The following STAU1 variants were observed in gnomAD, a reference collection of about 807,000 sequenced individuals.
The protein encoded by STAU1 is double-stranded RNA-binding protein Staufen homolog 1.
Under a neutral mutation model 62.9 loss-of-function variants are expected in STAU1, and 13 were observed. The ratio of observed to expected loss-of-function variants is 0.21; its 90% confidence interval spans 0.13 to 0.33. The LOEUF is 0.33. Among genes scored for constraint, STAU1 ranks in the 10% least tolerant of loss-of-function variants. The probability of loss-of-function intolerance (pLI) is 1.00; values close to 1 mark genes in which losing one functional copy is unlikely to be tolerated. For missense variants in STAU1, 571 were observed against 712.1 expected (o/e 0.80, Z 2.25); for synonymous variants, 269 against 265.1 (o/e 1.01, Z -0.14).
intron 1 of STAU1, among the ~76,000 whole-genome samples, chr20:49,180,435 T>C (rs2093711087): frequency 1.3e-5 from 2 of 152,016 alleles, no homozygotes; most frequent in African/African-American, 4.8e-5. Flanking sequence ...GCCATTCTCC[T>C]GCCTCAGCCC....
At chr20:49,142,976 T>C (rs1202800490) in intron 5 of STAU1, among the ~76,000 whole-genome samples, 2 of 152,022 alleles carry the variant, frequency 1.3e-5, no homozygotes, top group Non-Finnish European at 2.9e-5. Context: ...TTTTCAAATA[T>C]TTTTGGTAGA....
intron 9 of STAU1, among the ~76,000 whole-genome samples, 171 bp downstream of exon 9, chr20:49,119,811 C>T (rs949318299): frequency 7.2e-5 from 11 of 152,166 alleles, no homozygotes; most frequent in African/African-American, 1.9e-4. Context: ...AGTGGACATG[C>T]GAGGCCCCTC....
the STAU1 span, among the ~76,000 whole-genome samples, chr20:49,203,756 G>A: frequency 0.28 from 42,643 of 152,078 alleles, 6,606 homozygotes; most frequent in East Asian, 0.53. Flanking sequence ...GCACAATCTC[G>A]GCTTACTGCA....
chr20:49,125,080 A>AAAAC (rs1253832037), intron 6 of STAU1, among the ~76,000 whole-genome samples: 7 of 150,568 alleles, frequency 4.6e-5, no homozygotes, highest in Middle Eastern at 3.5e-3. Context: ...GTAAAAAAAA[A>AAAAC]AAAAAAAAAA....
chr20:49,131,842 C>CA lies in STAU1; in HGVS notation c.609+3990dup, dbSNP rs56345924. On this transcript the variant is annotated intron_variant, in intron 6 of 13. Coordinates refer to ENST00000371856, the MANE Select transcript of STAU1 (RefSeq NM_017453.4). ...TGGGCAACAGAGTTAGGCTCCGTCA[C>CA]AAAAAAAAAAAAAACAAAAGGAAGG... 3.4e-3 allele frequency among the ~76,000 whole-genome samples: 417 copies of CA among 121,180 alleles called. 1 individual carries two copies. Among genetic ancestry groups the CA allele is most frequent in the South Asian group, 0.012 (49 of 3,996 alleles). 79.5% of individuals were successfully genotyped at this position (121,180 alleles called of 152,430 possible). A position where few individuals can be genotyped will look rare whatever the true frequency, so the allele number is the denominator to read the frequency against.
At chr20:49,114,972 T>A in intron 13 of STAU1, 79 bp from the exon 14 acceptor site, 1 of 1,472,764 alleles carries the variant, frequency 6.8e-7, no homozygotes, top group Non-Finnish European at 9.4e-7. Flanking sequence ...GAAAAGAAAT[T>A]GGCAAACATC....
chr20:49,166,913 C>T (rs1457246593), intron 2 of STAU1, among the ~76,000 whole-genome samples: 1 of 152,016 alleles, frequency 6.6e-6, no homozygotes. Flanking sequence ...CTATCACAAC[C>T]CTACCCAGGC....
chr20:49,173,046 G>A (rs939947673), intron 2 of STAU1, among the ~76,000 whole-genome samples: 5 of 151,414 alleles, frequency 3.3e-5, no homozygotes, highest in Admixed American at 2.6e-4. Context: ...GGGTTTCACC[G>A]TGTTAGCCAG....
Position 49,118,338 on chromosome 20 carries a change from C to T in STAU1, c.1184G>A (p.Gly395Glu). The T allele has an allele frequency of 6.2e-7, 1 of 1,613,460 alleles. No individual in the cohort carries two copies. Among genetic ancestry groups the T allele is most frequent in the Non-Finnish European group, 8.5e-7 (1 of 1,179,538 alleles). ...GATATTAAGATCACACTTACTAGTC[C>T]CATTTTCATCCCCAGAGCCAGGTTC... The part of the protein sequence containing the change: ...FFEPGSGDEN[G>E]TSNKEDEFRM... The change falls in exon 10 of 14, where the codon GGG (glycine) becomes GAG (glutamate). Residue 395 changes from glycine (G) to glutamate (E), a missense_variant. By Grantham distance (98) the Gly-to-Glu change is moderately conservative. This residue lies in a region of STAU1 where 414 missense variants were observed against 499.6 expected (regional missense o/e 0.83). Transcript: ENST00000371856.
At chr20:49,165,776 A>G (rs1490784850) in intron 3 of STAU1, among the ~76,000 whole-genome samples, 1 of 152,094 alleles carries the variant, frequency 6.6e-6, no homozygotes, top group Admixed American at 6.6e-5. Context: ...TTCAGCTTTC[A>G]ATTCTCTTTC....
intron 2 of STAU1, among the ~76,000 whole-genome samples, chr20:49,170,009 T>C (rs2093576806): frequency 1.3e-5 from 2 of 152,210 alleles, no homozygotes; most frequent in Non-Finnish European, 2.9e-5. Context: ...GCAGTTACCG[T>C]TTTACAAGTG....
At position 49,120,060 on chromosome 20, in the gene STAU1, G is replaced by C; in HGVS notation, c.1035C>G (p.Ala345=). The part of the protein sequence containing the change: ...TNKKVAKRNA[A]ENMLEILGFK... ...AACCAAGGATCTCCAGCATGTTCTC[G>C]GCTGCATTGCGCTTGGCCACCTTCT... is the stretch of plus-strand genomic sequence containing the variant. The change falls in exon 9 of 14, where the codon GCC becomes GCG. Residue 345 remains alanine, a synonymous_variant. Transcript: ENST00000371856. 1 of 1,614,158 alleles carries C rather than the reference G, an allele frequency of 6.2e-7. No individual in the cohort carries two copies. The highest frequency in any genetic ancestry group is 8.5e-7 in the Non-Finnish European group (1 of 1,180,030).
chr20:49,195,505 CA>C, the STAU1 span, among the ~76,000 whole-genome samples: 1 of 127,480 alleles, frequency 7.8e-6, no homozygotes, highest in Non-Finnish European at 1.6e-5. Flanking sequence ...CACTGCACTC[CA>C]GCCTGGGCGA....
At position 49,158,441 on chromosome 20, in the gene STAU1, A is replaced by G. The variant is rs769299908; in HGVS notation, c.206-4370T>C. ...TTAAGGGGTGAGGCAACTTGCCTTC[A>G]TAGCTGATTTTTCTTGTAGGTCTTA... On this transcript the variant is annotated intron_variant, in intron 3 of 13. Transcript: ENST00000371856. 69 of 1,304,686 alleles carry G rather than the reference A, an allele frequency of 5.3e-5. No homozygotes were observed. The South Asian group carries it at 8.3e-4, about 16-fold the overall frequency. 80.8% of individuals were successfully genotyped at this position (1,304,686 alleles called of 1,614,324 possible).
At chr20:49,136,508 G>A (rs963515164) in intron 5 of STAU1, among the ~76,000 whole-genome samples, 5 of 152,202 alleles carry the variant, frequency 3.3e-5, no homozygotes, top group African/African-American at 7.2e-5. Context: ...TTGGATATGT[G>A]TCAGCCTGAC....
At chr20:49,205,372 T>G in the STAU1 span, among the ~76,000 whole-genome samples, 1 of 150,296 alleles carries the variant, frequency 6.7e-6, no homozygotes, top group Admixed American at 6.6e-5. Context: ...AGTTTTTTTT[T>G]TTTTTTTTTT....
At chr20:49,115,691 T>A in intron 13 of STAU1, 91 bp downstream of exon 13, 1 of 1,134,824 alleles carries the variant, frequency 8.8e-7, no homozygotes, top group Non-Finnish European at 1.3e-6. Context: ...GGCAAATATT[T>A]CCCCGCTGAG....
chr20:49,218,563 AAC>A, the STAU1 span, among the ~76,000 whole-genome samples: 18 of 107,904 alleles, frequency 1.7e-4, no homozygotes, highest in Middle Eastern at 4.5e-3. Flanking sequence ...CAAACAAACA[AAC>A]AAAAAAAACA....
chr20:49,196,749 G>C, the STAU1 span, among the ~76,000 whole-genome samples: 2 of 150,578 alleles, frequency 1.3e-5, no homozygotes, highest in Admixed American at 6.7e-5. Flanking sequence ...CCCAGCCTGG[G>C]TGACAGCGAG....
Sources: allele counts gnomAD v4.1 joint callset (sites outside exome capture counted in the v4.1 genomes callset), GRCh38; gene constraint gnomAD v4.1.1; regional missense constraint gnomAD v4.1.1; transcripts MANE v1.5; gene names NCBI Gene and HGNC (gene_info 2026-07-23, HGNC 2026-07-21).